RASA2: variants seen among roughly 807,000 people sequenced by gnomAD.
RASA2 encodes the protein ras GTPase-activating protein 2.
In RASA2, 155 loss-of-function variants were observed where a neutral mutation model predicts 118.2. The observed-to-expected ratio is 1.31, with a 90% CI of 1.15 to 1.50. RASA2 has a LOEUF of 1.50. RASA2 is among the 40% of genes most tolerant of loss of function. The pLI, the probability that RASA2 is intolerant of heterozygous loss-of-function variation, is 0.00. For synonymous variants in RASA2, 353 were observed against 349.1 expected (o/e 1.01, Z -0.12); for missense variants, 1,016 against 1,009.6 (o/e 1.01, Z -0.09).
chr3:141,522,792 G>A (rs74508946), intron 3 of RASA2, among the ~76,000 whole-genome samples: 2,070 of 152,218 alleles, frequency 0.014, 61 homozygotes, highest in African/African-American at 0.047. Flanking sequence ...GGAAACTCTG[G>A]ACTTCCTGGC....
chr3:141,570,950 C>A lies in RASA2; in HGVS notation c.902C>A (p.Ser301Tyr). 1 of 1,610,828 alleles carries A rather than the reference C, an allele frequency of 6.2e-7. No homozygotes were observed. The highest frequency in any genetic ancestry group is 8.5e-7 in the Non-Finnish European group (1 of 1,178,724). ...CCAAGAGACAATGGAAACAAGTCAT[C>A]CAAAACTGATGACCTGGGGTCTCTT... Reference protein sequence around the residue: ...LQPRDNGNKSSKTDDLGSLRL... With the variant: ...LQPRDNGNKSYKTDDLGSLRL... Residue 301 changes from serine to tyrosine, a missense_variant, in exon 10 of 24, where the codon TCC (serine) becomes TAC (tyrosine). By Grantham distance (144) the Ser-to-Tyr change is moderately radical. This residue lies in a region of RASA2 where 896 missense variants were observed against 836.4 expected (regional missense o/e 1.07). Coordinates refer to ENST00000286364, the MANE Select transcript of RASA2 (RefSeq NM_006506.5).
chr3:141,487,386 TCGCCTCGACGGGGCGGCGTGGGC>T, intron 1 of RASA2, among the ~76,000 whole-genome samples, 170 bp downstream of exon 1: 1 of 146,750 alleles, frequency 6.8e-6, no homozygotes, highest in South Asian at 2.2e-4. Flanking sequence ...GGGGGCGGCG[TCGCCTCGACGGGGCGGCGTGGGC>T]CGGGGCTGCT....
chr3:141,495,215 C>T lies in RASA2; in HGVS notation c.133+7999C>T, dbSNP rs557149936. On this transcript the variant is annotated intron_variant, in intron 1 of 23. Coordinates refer to ENST00000286364, the MANE Select transcript of RASA2 (RefSeq NM_006506.5). ...ATACCATTATTATCCCCATTTTACA[C>T]ATTATGAGGAAACAGATACACAATA... Among the ~76,000 whole-genome samples the T allele has an allele frequency of 2.6e-5, 4 of 152,298 alleles. No individual in the cohort carries two copies. In the East Asian group the frequency reaches 5.8e-4, roughly 22 times the overall value.
At chr3:141,536,693 A>G (rs1249085538) in intron 4 of RASA2, among the ~76,000 whole-genome samples, 1 of 152,168 alleles carries the variant, frequency 6.6e-6, no homozygotes, top group African/African-American at 2.4e-5. Context: ...GAGATTGAAT[A>G]ATAAGAATGC....
At chr3:141,595,553 A>G (rs1349418664) in intron 19 of RASA2, among the ~76,000 whole-genome samples, 4 of 152,198 alleles carry the variant, frequency 2.6e-5, no homozygotes, top group Admixed American at 6.5e-5. Flanking sequence ...TACAACTTCA[A>G]TGTAGTTGGA....
intron 4 of RASA2, among the ~76,000 whole-genome samples, chr3:141,539,641 T>C (rs2082378044): frequency 6.6e-6 from 1 of 152,170 alleles, no homozygotes; most frequent in South Asian, 2.1e-4. Context: ...CATGGCAATG[T>C]GAGAATTTGT....
intron 7 of RASA2, among the ~76,000 whole-genome samples, chr3:141,556,889 CA>C (rs2082657784): frequency 6.7e-6 from 1 of 149,856 alleles, no homozygotes; most frequent in Non-Finnish European, 1.5e-5. Context: ...GAGGGGGAAG[CA>C]AGGGAGAAAA....
At chr3:141,545,775 A>G (rs1319360344) in intron 5 of RASA2, among the ~76,000 whole-genome samples, 4 of 151,858 alleles carry the variant, frequency 2.6e-5, no homozygotes, top group African/African-American at 9.7e-5. Flanking sequence ...ATGTATAATA[A>G]ATTATTGTTG....
Position 141,571,433 on chromosome 3 carries a change from T to C in RASA2, c.1048T>C (p.Leu350=). ...AATATCTGCCTCAGCTGCTTACATT[T>C]TGAGTGAAATATGTCGAGATAAAAA... ...QPISASAAYI[L]SEICRDKNDA... The change falls in exon 11 of 24, where the codon TTG becomes CTG. Residue 350 remains leucine, a synonymous_variant. Coordinates refer to ENST00000286364, the MANE Select transcript of RASA2 (RefSeq NM_006506.5). 1 of 1,613,758 alleles carries C rather than the reference T, an allele frequency of 6.2e-7. No homozygotes were observed. Among genetic ancestry groups the C allele is most frequent in the Non-Finnish European group, 8.5e-7 (1 of 1,179,862 alleles).
chr3:141,592,885 A>G (rs2083308612), intron 19 of RASA2, among the ~76,000 whole-genome samples: 1 of 152,128 alleles, frequency 6.6e-6, no homozygotes, highest in South Asian at 2.1e-4. Context: ...TGAAAAAAAA[A>G]AAGAAGAGTC....
At chr3:141,589,058 T>G (rs1012817118) in intron 19 of RASA2, among the ~76,000 whole-genome samples, 1 of 152,102 alleles carries the variant, frequency 6.6e-6, no homozygotes, top group African/African-American at 2.4e-5. Flanking sequence ...GCCAGGCTGG[T>G]CTTGAACTCC....
intron 22 of RASA2, 44 bp downstream of exon 22, chr3:141,609,567 C>T (rs1404224545): frequency 1.4e-6 from 2 of 1,387,994 alleles, no homozygotes; most frequent in Non-Finnish European, 2.0e-6. Context: ...TCTTTCATTA[C>T]CAATTCCTAA....
intron 1 of RASA2, among the ~76,000 whole-genome samples, chr3:141,495,289 G>A (rs1160070705): frequency 1.3e-5 from 2 of 152,160 alleles, no homozygotes; most frequent in Admixed American, 6.5e-5. Flanking sequence ...GAATGGTGGA[G>A]CTATCAATCA....
chr3:141,590,686 A>C (rs1292531344), intron 19 of RASA2, among the ~76,000 whole-genome samples: 5 of 152,222 alleles, frequency 3.3e-5, no homozygotes, highest in Non-Finnish European at 7.3e-5. Context: ...TTGGTGTCTG[A>C]AAGAATACCT....
chr3:141,547,573 G>C (rs2082504407), intron 5 of RASA2, among the ~76,000 whole-genome samples: 1 of 152,078 alleles, frequency 6.6e-6, no homozygotes, highest in Non-Finnish European at 1.5e-5. Flanking sequence ...TACTAAATTT[G>C]TTTATCAGTT....
chr3:141,556,045 A>C, intron 7 of RASA2, 133 bp downstream of exon 7: 1 of 702,684 alleles, frequency 1.4e-6, no homozygotes, highest in Non-Finnish European at 2.4e-6. Flanking sequence ...TCCTGAAAGC[A>C]GTAGAACCAT....
chr3:141,593,805 C>G (rs757574506), intron 19 of RASA2, among the ~76,000 whole-genome samples: 36 of 152,116 alleles, frequency 2.4e-4, no homozygotes, highest in Non-Finnish European at 4.6e-4. Flanking sequence ...AAGTATAAAA[C>G]CAACCCTCAC....
intron 9 of RASA2, 28 bp downstream of exon 9, chr3:141,560,023 C>A: frequency 1.3e-6 from 2 of 1,547,436 alleles, no homozygotes; most frequent in East Asian, 2.3e-5. Flanking sequence ...TAGTGAACTC[C>A]ATAGTTTAAT....
At chr3:141,490,495 G>A (rs1360552812) in intron 1 of RASA2, among the ~76,000 whole-genome samples, 1 of 152,074 alleles carries the variant, frequency 6.6e-6, no homozygotes, top group Non-Finnish European at 1.5e-5. Flanking sequence ...TTGTAAAAAT[G>A]TTGCGGAGAG....
Sources: allele counts gnomAD v4.1 joint callset (sites outside exome capture counted in the v4.1 genomes callset), GRCh38; gene constraint gnomAD v4.1.1; regional missense constraint gnomAD v4.1.1; transcripts MANE v1.5; gene names NCBI Gene and HGNC (gene_info 2026-07-23, HGNC 2026-07-21).